SLC8A3: variants seen among roughly 807,000 people sequenced by gnomAD.
The protein encoded by SLC8A3 is sodium/calcium exchanger 3.
A neutral mutation model predicts 65.4 loss-of-function variants in SLC8A3; 37 were observed. The ratio of observed to expected loss-of-function variants is 0.57; its 90% CI spans 0.44 to 0.74. SLC8A3 has a LOEUF of 0.74. SLC8A3 is among the 30% of genes least tolerant of loss of function. SLC8A3 has a pLI of 0.00. For missense variants in SLC8A3, 1,112 were observed against 1,172.1 expected (o/e 0.95, Z 0.75); for synonymous variants, 461 against 444.5 (o/e 1.04, Z -0.47).
At chr14:70,188,072 A>G (rs941594769) in intron 1 of SLC8A3, among the ~76,000 whole-genome samples, 1 of 151,604 alleles carries the variant, frequency 6.6e-6, no homozygotes, top group Non-Finnish European at 1.5e-5. Flanking sequence ...AACTGTACCC[A>G]CCTGCCCAGG....
At chr14:70,079,838 A>C (rs1890888600) in intron 2 of SLC8A3, 1 of 152,542 alleles carries the variant, frequency 6.6e-6, no homozygotes. Context: ...CTTCCAGCAA[A>C]ATCTCTCACT....
intron 1 of SLC8A3, among the ~76,000 whole-genome samples, chr14:70,174,784 A>G (rs192559209): frequency 6.8e-6 from 1 of 147,048 alleles, no homozygotes; most frequent in Admixed American, 7.0e-5. Context: ...TGAGGGGTGG[A>G]GACAAACAAG....
chr14:70,149,229 C>T (rs531391291), intron 2 of SLC8A3, among the ~76,000 whole-genome samples: 3 of 152,282 alleles, frequency 2.0e-5, no homozygotes, highest in Non-Finnish European at 4.4e-5. Context: ...GACTCATCTC[C>T]AAATATAGGG....
Position 70,048,970 on chromosome 14 carries a change from A to T in SLC8A3, c.2186T>A (p.Leu729Gln). Residue 729 changes from leucine (L) to glutamine (Q), a missense_variant, in exon 6 of 7, where the codon CTG becomes CAG. By Grantham distance (113) the Leu-to-Gln change is moderately radical (BLOSUM62 -2). Transcript: ENST00000356921. Reference protein sequence around the residue: ...PSCFDYVMHFLTVFWKVLFAC... With the variant: ...PSCFDYVMHFQTVFWKVLFAC... ...AAACAGCACCTTCCAGAAGACAGTC[A>T]GGAAGTGCATGACGTAGTCAAAGCA... 1 of 1,614,146 alleles carries T rather than the reference A, an allele frequency of 6.2e-7. No individual in the cohort carries two copies. The highest frequency in any genetic ancestry group is 8.5e-7 in the Non-Finnish European group (1 of 1,179,930).
intron 2 of SLC8A3, among the ~76,000 whole-genome samples, chr14:70,097,561 C>T (rs1490887884): frequency 1.3e-5 from 2 of 152,154 alleles, no homozygotes; most frequent in Non-Finnish European, 2.9e-5. Flanking sequence ...CTTGTTTGTA[C>T]AATGGAGACT....
chr14:70,173,675 G>A (rs1897690879), intron 1 of SLC8A3, among the ~76,000 whole-genome samples: 1 of 152,200 alleles, frequency 6.6e-6, no homozygotes, highest in South Asian at 2.1e-4. Flanking sequence ...CTGCACAGGT[G>A]TCATAGCCAA....
intron 2 of SLC8A3, among the ~76,000 whole-genome samples, chr14:70,137,038 A>C (rs1267637339): frequency 6.6e-6 from 1 of 152,212 alleles, no homozygotes; most frequent in Non-Finnish European, 1.5e-5. Flanking sequence ...GTAATACTAT[A>C]CCTCATTAGA....
chr14:70,055,046 A>G (rs13379247), intron 3 of SLC8A3, among the ~76,000 whole-genome samples: 10,808 of 152,128 alleles, frequency 0.071, 430 homozygotes, highest in Non-Finnish European at 0.09. Context: ...ATGAAGTTGA[A>G]TGTTGTTTAT....
rs8020847 is a variant in SLC8A3 at position 70,100,413 on chromosome 14, C to T, written c.1785-39474G>A. Among the ~76,000 whole-genome samples the T allele has an allele frequency of 3.4e-3, 524 of 152,242 alleles. 3 individuals are homozygous for T. The highest frequency in any genetic ancestry group is 0.012 in the African/African-American group (497 of 41,534). On this transcript the variant is annotated intron_variant, in intron 2 of 6. Coordinates refer to ENST00000356921, the MANE Select transcript of SLC8A3 (RefSeq NM_182932.3). ...GCACACAAATGACTGCAGGGCTTCT[C>T]GATTGATGGCTGATTTTTGACGTAG...
chr14:70,052,786 T>C (rs1887653676), intron 3 of SLC8A3, among the ~76,000 whole-genome samples: 1 of 152,204 alleles, frequency 6.6e-6, no homozygotes, highest in South Asian at 2.1e-4. Flanking sequence ...CCCATCCAAG[T>C]CCACATTCTC....
At chr14:70,121,749 C>A (rs1339563663) in intron 2 of SLC8A3, among the ~76,000 whole-genome samples, 2 of 152,184 alleles carry the variant, frequency 1.3e-5, no homozygotes, top group African/African-American at 4.8e-5. Flanking sequence ...GGATGTTCTG[C>A]AGGAGGCTGC....
At chr14:70,164,084 C>A (rs969145929) in intron 2 of SLC8A3, among the ~76,000 whole-genome samples, 4 of 152,122 alleles carry the variant, frequency 2.6e-5, no homozygotes, top group Non-Finnish European at 2.9e-5. Flanking sequence ...AGTCTTGTTT[C>A]CTGAGCATAT....
chr14:70,187,317 A>G, intron 1 of SLC8A3: 1 of 147,906 alleles, frequency 6.8e-6, no homozygotes, highest in South Asian at 2.2e-4. Context: ...AAGAGAAGAG[A>G]AGCGGGGGGC....
At position 70,052,097 on chromosome 14, in the gene SLC8A3, G is replaced by C. The variant is rs748727490; in HGVS notation, c.1906C>G (p.Leu636Val). ...TTGGCCTCCTCTTCTTCCATAGTCA[G>C]CTTCCTGTCTGTCACATCTGCAACA... Reference protein sequence around the residue: ...RGISDVTDRKLTMEEEEAKRI... With the variant: ...RGISDVTDRKVTMEEEEAKRI... The change falls in exon 4 of 7, where the codon CTG becomes GTG. Residue 636 changes from leucine to valine, a missense_variant. Transcript: ENST00000356921. The C allele has an allele frequency of 6.2e-7, 1 of 1,600,072 alleles. No homozygotes were observed. The highest frequency in any genetic ancestry group is 1.1e-5 in the South Asian group (1 of 87,844).
intron 2 of SLC8A3, among the ~76,000 whole-genome samples, chr14:70,084,412 G>A (rs17107768): frequency 0.35 from 53,416 of 152,106 alleles, 9,490 homozygotes; most frequent in East Asian, 0.43. Context: ...TCCTGTGAGC[G>A]GGTGGTTATC....
chr14:70,080,527 C>T (rs1890962087), intron 2 of SLC8A3, among the ~76,000 whole-genome samples: 1 of 152,140 alleles, frequency 6.6e-6, no homozygotes, highest in South Asian at 2.1e-4. Context: ...CAGGAACCTT[C>T]CTTAAGTGGC....
At chr14:70,165,049 A>G (rs1404111512) in intron 2 of SLC8A3, among the ~76,000 whole-genome samples, 6 of 152,272 alleles carry the variant, frequency 3.9e-5, no homozygotes, top group Middle Eastern at 3.4e-3. Flanking sequence ...CATTTTTGGC[A>G]AGTGCGAATA....
intron 2 of SLC8A3, 125 bp from the exon 3 acceptor site, chr14:70,061,064 GC>G: frequency 1.7e-6 from 1 of 572,654 alleles, no homozygotes; most frequent in Non-Finnish European, 3.1e-6. Context: ...CACCATGGTG[GC>G]TTTCAACAGG....
Position 70,046,420 on chromosome 14 carries a change from T to C in SLC8A3, c.2390-97A>G. The C allele has an allele frequency of 2.3e-6, 3 of 1,300,988 alleles. No homozygotes were observed. Among genetic ancestry groups the C allele is most frequent in the Non-Finnish European group, 3.1e-6 (3 of 952,814 alleles). The allele number at this position is 1,300,988 out of a possible 1,614,324, so 80.6% of individuals were successfully genotyped here. On this transcript the variant is annotated intron_variant, in intron 6 of 6. Transcript: ENST00000356921. This position sits in a 1 kb window ranked among gnomAD's most constrained non-coding sequence, Gnocchi z 4.2. ...CAAAAAGCAGCTTGAGCTGGTGGGC[T>C]GAACCCAGGAATGAGAGACAAGGGC...
Sources: gnomAD v4.1 joint callset for allele counts (sites outside exome capture counted in the v4.1 genomes callset) on GRCh38, gnomAD v4.1.1 for gene constraint, Gnocchi (gnomAD v3.1) non-coding constraint, MANE v1.5 for transcripts, NCBI Gene and HGNC (gene_info 2026-07-23, HGNC 2026-07-21) for gene names.